The following SLC5A12 variants were observed in gnomAD, a reference collection of about 807,000 sequenced individuals.
SLC5A12 encodes solute carrier family 5 member 12.
Under a neutral mutation model 72.7 loss-of-function variants are expected in SLC5A12, and 46 were observed. That is an observed-to-expected ratio of 0.63 (90% CI 0.50 to 0.81). SLC5A12 has a LOEUF of 0.81. Ranked by LOEUF, SLC5A12 falls within the 30% of genes least tolerant of loss-of-function variation. SLC5A12 has a pLI of 0.00. For missense variants in SLC5A12, 683 were observed against 740.7 expected, an observed-to-expected ratio of 0.92 and a Z score of 0.90; for synonymous variants, 275 against 264.4, an observed-to-expected ratio of 1.04 and a Z score of -0.39.
chr11:26,683,986 A>G, intron 10 of SLC5A12, 143 bp from the exon 11 acceptor site: 1 of 605,084 alleles, frequency 1.7e-6, no homozygotes, highest in South Asian at 1.9e-5. Context: ...TCTATAAGTC[A>G]TTTCTCAATT....
At chr11:26,676,180 C>A (rs1411841430) in intron 13 of SLC5A12, among the ~76,000 whole-genome samples, 1 of 152,046 alleles carries the variant, frequency 6.6e-6, no homozygotes, top group Non-Finnish European at 1.5e-5. Flanking sequence ...CAGTAAATTT[C>A]TCTGATGAGA....
intron 9 of SLC5A12, among the ~76,000 whole-genome samples, chr11:26,690,716 G>A (rs893730414): frequency 2.7e-5 from 4 of 149,682 alleles, no homozygotes; most frequent in African/African-American, 7.4e-5. Flanking sequence ...TACTTAGGAG[G>A]CTGAGGCAGG....
At chr11:26,697,834 T>A (rs1260002181) in intron 7 of SLC5A12, among the ~76,000 whole-genome samples, 1 of 148,394 alleles carries the variant, frequency 6.7e-6, no homozygotes, top group Non-Finnish European at 1.5e-5. Flanking sequence ...TGCATTCCAC[T>A]CTCTCCAGCC....
chr11:26,686,790 G>A (rs1294307256), intron 9 of SLC5A12, among the ~76,000 whole-genome samples: 3 of 152,144 alleles, frequency 2.0e-5, no homozygotes, highest in Non-Finnish European at 4.4e-5. Context: ...AGCCTCAAGG[G>A]TTATCCTTCT....
chr11:26,681,290 G>A (rs774542541), intron 11 of SLC5A12, 69 bp from the exon 12 acceptor site: 18 of 1,319,974 alleles, frequency 1.4e-5, no homozygotes, highest in Non-Finnish European at 1.7e-5. Flanking sequence ...AATGAGATGA[G>A]GAGTTCTATG....
At chr11:26,697,114 C>T in intron 8 of SLC5A12, 50 bp downstream of exon 8, 1 of 1,479,260 alleles carries the variant, frequency 6.8e-7, no homozygotes, top group Non-Finnish European at 9.4e-7. Flanking sequence ...ACACCATCAT[C>T]CTTGTTATCC....
rs1855477325 is a variant in SLC5A12, at chr11:26,721,453, A to G, written c.262T>C (p.Tyr88His). Residue 88 changes from tyrosine (Y) to histidine (H), a missense_variant, in exon 1 of 15, where the codon TAC (tyrosine) becomes CAC (histidine). Coordinates refer to ENST00000396005, the MANE Select transcript of SLC5A12 (RefSeq NM_178498.4). ...GATGTTAAGAGGATGACAAATAGGT[A>G]AGCAATGAAGAAGACTAGGAAGGAT... Reference protein sequence around the residue: ...GASFLVFFIAYLFVILLTSEL... With the variant: ...GASFLVFFIAHLFVILLTSEL... 1 of 1,614,168 alleles carries G rather than the reference A, an allele frequency of 6.2e-7. No individual in the cohort carries two copies. The highest frequency in any genetic ancestry group is 8.5e-7 in the Non-Finnish European group (1 of 1,180,024).
chr11:26,671,052 T>TGTGTGTGTGTGTGTGTGTGTATTGC lies in SLC5A12; in HGVS notation c.*49_*50insGCAATACACACACACACACACACAC. Reference sequence around the variant, plus strand: ...AGGCAAGAAGTATGTGGAGTTTGTGTGTGTGTGTGTGTATTGCACGTGTGT... The same window carrying TGTGTGTGTGTGTGTGTGTGTATTGC: ...AGGCAAGAAGTATGTGGAGTTTGTGTGTGTGTGTGTGTGTGTGTGTATTGCGTGTGTGTGTGTATTGCACGTGTGT... On this transcript the variant is annotated 3_prime_UTR_variant, in exon 15 of 15. Coordinates refer to ENST00000396005, the MANE Select transcript of SLC5A12 (RefSeq NM_178498.4). 6.6e-7 allele frequency: 1 copy of TGTGTGTGTGTGTGTGTGTGTATTGC among 1,522,124 alleles called. No individual in the cohort carries two copies. Among genetic ancestry groups the TGTGTGTGTGTGTGTGTGTGTATTGC allele is most frequent in the South Asian group, 1.2e-5 (1 of 80,628 alleles). 94.3% of individuals were successfully genotyped at this position (1,522,124 alleles called of 1,614,324 possible). A position where few individuals can be genotyped will look rare whatever the true frequency, so the allele number is the denominator to read the frequency against.
rs369477337 is a variant in SLC5A12, at chr11:26,673,437, A to T, written c.1672T>A (p.Trp558Arg). ...FWSKKYKTLC[W>R]CGVQHDSGTE... is the part of the protein sequence containing the mutation. The stretch of plus-strand genomic sequence containing the variant: ...CCACTGTCATGCTGAACTCCACACC[A>T]GCATAGTGTTTTGTACTTCTTAGAC... The change falls in exon 14 of 15, where the codon TGG becomes AGG. Residue 558 changes from tryptophan (W) to arginine (R), a missense_variant. By Grantham distance (101) the Trp-to-Arg change is moderately radical. Transcript: ENST00000396005. 4.3e-6 allele frequency: 7 copies of T among 1,610,226 alleles called. No individual in the cohort carries two copies. The African/African-American group carries it at 8.0e-5, about 18-fold the overall frequency.
chr11:26,697,086 T>C, intron 8 of SLC5A12, 78 bp downstream of exon 8: 1 of 1,249,340 alleles, frequency 8.0e-7, no homozygotes, highest in Non-Finnish European at 1.2e-6. Context: ...GAGTGCTTGC[T>C]AAATATTGTT....
intron 12 of SLC5A12, among the ~76,000 whole-genome samples, chr11:26,680,733 A>C (rs1854392041): frequency 6.6e-6 from 1 of 152,018 alleles, no homozygotes; most frequent in African/African-American, 2.4e-5. Flanking sequence ...AACTTCTTCT[A>C]CTGAGTTTTA....
upstream of SLC5A12, among the ~76,000 whole-genome samples, chr11:26,722,854 A>G (rs554368069): frequency 4.1e-4 from 61 of 149,336 alleles, no homozygotes; most frequent in African/African-American, 1.5e-3. Flanking sequence ...ACCTCTACAA[A>G]GCTTGTGTAT....
intron 1 of SLC5A12, among the ~76,000 whole-genome samples, chr11:26,715,800 G>C (rs1297528198): frequency 6.6e-6 from 1 of 152,114 alleles, no homozygotes; most frequent in Non-Finnish European, 1.5e-5. Flanking sequence ...AGGTAACAAG[G>C]ACAAGCTGTC....
At chr11:26,715,622 A>G (rs1270268824) in intron 1 of SLC5A12, among the ~76,000 whole-genome samples, 1 of 152,196 alleles carries the variant, frequency 6.6e-6, no homozygotes. Context: ...TCCTTGTTTC[A>G]GGATCTGCTT....
chr11:26,717,646 A>G (rs569272550), intron 1 of SLC5A12, among the ~76,000 whole-genome samples: 1 of 152,328 alleles, frequency 6.6e-6, no homozygotes, highest in East Asian at 1.9e-4. Context: ...CTATTGCTAT[A>G]TAACACTCGC....
rs1442966285 is a variant in SLC5A12 at position 26,668,797 on chromosome 11, AT to A, written c.*2304del. 1 of 152,024 alleles carries A rather than the reference AT, an allele frequency of 6.6e-6. No individual in the cohort carries two copies. The highest frequency in any genetic ancestry group is 2.4e-5 in the African/African-American group (1 of 41,422). 9.4% of individuals were successfully genotyped at this position (152,024 alleles called of 1,614,324 possible). ...TCATTACACAAGAGAAGGCAGAGAT[AT>A]TTTTATAATAATAATTGCATTTTCC... On this transcript the variant is annotated 3_prime_UTR_variant, in exon 15 of 15. Coordinates refer to ENST00000396005, the MANE Select transcript of SLC5A12 (RefSeq NM_178498.4).
intron 10 of SLC5A12, 95 bp downstream of exon 10, chr11:26,686,382 T>C (rs906897158): frequency 1.8e-6 from 2 of 1,088,830 alleles, no homozygotes; most frequent in African/African-American, 1.6e-5. Flanking sequence ...TCATTAAATG[T>C]CAGCCTTTGG....
At chr11:26,678,380 G>GT (rs1854312507) in intron 13 of SLC5A12, among the ~76,000 whole-genome samples, 1 of 151,694 alleles carries the variant, frequency 6.6e-6, no homozygotes, top group African/African-American at 2.4e-5. Context: ...GTTTGGTTGG[G>GT]GTTTTTTTTG....
At chr11:26,713,894 G>A (rs1855288654) in intron 1 of SLC5A12, among the ~76,000 whole-genome samples, 1 of 152,126 alleles carries the variant, frequency 6.6e-6, no homozygotes, top group African/African-American at 2.4e-5. Context: ...GTTAGTGGCT[G>A]CTGGCAGTCC....
Sources: allele counts gnomAD v4.1 joint callset (sites outside exome capture counted in the v4.1 genomes callset), GRCh38; gene constraint gnomAD v4.1.1; transcripts MANE v1.5; gene names NCBI Gene and HGNC (gene_info 2026-07-23, HGNC 2026-07-21).